GEMIN7: variants seen among roughly 807,000 people sequenced by gnomAD.
GEMIN7 encodes the protein gem-associated protein 7.
In GEMIN7, 7 loss-of-function variants were observed where a neutral mutation model predicts 7.8. That is an observed-to-expected ratio of 0.90 (90% CI 0.51 to 1.69). The LOEUF is 1.69. GEMIN7 is among the 40% of genes most tolerant of loss of function. GEMIN7 has a pLI of 0.00. For missense variants in GEMIN7, 159 were observed against 176.2 expected, an observed-to-expected ratio of 0.90 and a Z score of 0.55; for synonymous variants, 68 against 72.4, an observed-to-expected ratio of 0.94 and a Z score of 0.31.
rs1344893723 is a variant in GEMIN7 at position 45,090,100 on chromosome 19, T to C, written c.-8-7T>C. On this transcript the variant is annotated splice_region_variant and splice_polypyrimidine_tract_variant and intron_variant, in intron 2 of 2. Coordinates refer to ENST00000270257, the MANE Select transcript of GEMIN7 (RefSeq NM_024707.3). ...ATGACTTCCTGCTCTTTTTCTTCAC[T>C]CAACAGCCAAGACAATGCAAACTCC... 1 of 1,593,532 alleles carries C rather than the reference T, an allele frequency of 6.3e-7. No homozygotes were observed. Among genetic ancestry groups the C allele is most frequent in the Admixed American group, 1.7e-5 (1 of 58,120 alleles).
chr19:45,087,291 C>G (rs1363505020), intron 2 of GEMIN7, among the ~76,000 whole-genome samples: 2 of 152,170 alleles, frequency 1.3e-5, no homozygotes, highest in Admixed American at 1.3e-4. Flanking sequence ...ATTACAGGCA[C>G]GCACCACCAC....
At chr19:45,089,970 T>G in intron 2 of GEMIN7, 137 bp from the exon 3 acceptor site, 1 of 870,398 alleles carries the variant, frequency 1.1e-6, no homozygotes, top group Non-Finnish European at 1.8e-6. Context: ...ATGGCACAGA[T>G]TTTAGGAGGG....
At chr19:45,086,028 C>T (rs1321489834) in intron 2 of GEMIN7, among the ~76,000 whole-genome samples, 6 of 151,580 alleles carry the variant, frequency 4.0e-5, no homozygotes, top group East Asian at 2.0e-4. Context: ...CCACCACGCC[C>T]GGCTAATTTT....
At chr19:45,084,001 A>C (rs1014699173) in intron 2 of GEMIN7, among the ~76,000 whole-genome samples, 16 of 151,942 alleles carry the variant, frequency 1.1e-4, no homozygotes, top group Non-Finnish European at 2.4e-4. Context: ...ACCTGAGGTA[A>C]GGAGTTCAAG....
chr19:45,081,524 G>GAA (rs11292380), intron 2 of GEMIN7, among the ~76,000 whole-genome samples: 1 of 144,496 alleles, frequency 6.9e-6, no homozygotes, highest in Non-Finnish European at 1.5e-5. Context: ...TCCCTGTCAG[G>GAA]AAAAAAAAAA....
At position 45,090,914 on chromosome 19, in the gene GEMIN7, G is replaced by A. The variant is rs576379005; in HGVS notation, c.*404G>A. The A allele has an allele frequency of 5.4e-5, 10 of 185,262 alleles. No homozygotes were observed. The East Asian group carries it at 1.6e-3, about 30-fold the overall frequency. 11.5% of individuals were successfully genotyped at this position (185,262 alleles called of 1,614,324 possible). On this transcript the variant is annotated 3_prime_UTR_variant, in exon 3 of 3. Transcript: ENST00000270257. ...CCTGCTAAAGAACCAGTTACCCCAGGAAAATTCGACTCCTGTTTTTCTTTA... is the reference window on the plus strand; with the variant it reads ...CCTGCTAAAGAACCAGTTACCCCAGAAAAATTCGACTCCTGTTTTTCTTTA...
At chr19:45,088,127 G>A (rs903872389) in intron 2 of GEMIN7, among the ~76,000 whole-genome samples, 21 of 151,546 alleles carry the variant, frequency 1.4e-4, no homozygotes, top group Non-Finnish European at 2.5e-4. Flanking sequence ...TGTATTTTTC[G>A]TAGAGACGGG....
chr19:45,090,614 T>C lies in GEMIN7; in HGVS notation c.*104T>C. ...GGGCCCCATGGAGTTATGAGCTCCC[T>C]TGGAATTTTGAGCCAAGCTTTAAGC... On this transcript the variant is annotated 3_prime_UTR_variant, in exon 3 of 3. Coordinates refer to ENST00000270257, the MANE Select transcript of GEMIN7 (RefSeq NM_024707.3). The C allele has an allele frequency of 8.4e-7, 1 of 1,189,072 alleles. No homozygotes were observed. Among genetic ancestry groups the C allele is most frequent in the South Asian group, 1.5e-5 (1 of 67,320 alleles). The allele number at this position is 1,189,072 out of a possible 1,614,324, so 73.7% of individuals were successfully genotyped here. A position where few individuals can be genotyped will look rare whatever the true frequency, so the allele number is the denominator to read the frequency against.
chr19:45,078,016 C>T (rs950833702), upstream of GEMIN7, among the ~76,000 whole-genome samples: 1 of 151,884 alleles, frequency 6.6e-6, no homozygotes, highest in Non-Finnish European at 1.5e-5. Context: ...AGGTGTGAGA[C>T]ACTGCACTCA....
chr19:45,076,383 G>A, upstream of GEMIN7: 1 of 1,291,030 alleles, frequency 7.7e-7, no homozygotes, highest in South Asian at 3.1e-5. The surrounding 1 kb of genome is among the most constrained non-coding windows in gnomAD (Gnocchi z 4.9). Flanking sequence ...TGAGTCGCGG[G>A]CCGGGCGAGC....
In GEMIN7 at chr19:45,090,096, T is replaced by A; in HGVS notation, c.-8-11T>A. On this transcript the variant is annotated splice_polypyrimidine_tract_variant and intron_variant, in intron 2 of 2. Transcript: ENST00000270257. ...TGTAATGACTTCCTGCTCTTTTTCT[T>A]CACTCAACAGCCAAGACAATGCAAA... 1.3e-6 allele frequency: 2 copies of A among 1,591,212 alleles called. No homozygotes were observed. Among genetic ancestry groups the A allele is most frequent in the Non-Finnish European group, 1.7e-6 (2 of 1,164,826 alleles).
At chr19:45,081,353 G>A (rs1029429946) in intron 2 of GEMIN7, among the ~76,000 whole-genome samples, 4 of 151,910 alleles carry the variant, frequency 2.6e-5, no homozygotes, top group African/African-American at 9.7e-5. Context: ...TTACTTGGGA[G>A]GCTGAGGCAG....
At chr19:45,079,243 C>T (rs1356880109), upstream of GEMIN7, 1 of 152,304 alleles carries the variant, frequency 6.6e-6, no homozygotes, top group Non-Finnish European at 1.5e-5. Flanking sequence ...AGCGGGGGCG[C>T]CGGCGGAAGT....
upstream of GEMIN7, chr19:45,075,737 C>T: frequency 6.2e-7 from 1 of 1,614,118 alleles, no homozygotes; most frequent in Non-Finnish European, 8.5e-7. Flanking sequence ...CGGCTGGGGC[C>T]TCTGAAGAGC....
chr19:45,084,283 G>A (rs1967605071), intron 2 of GEMIN7, among the ~76,000 whole-genome samples: 1 of 149,924 alleles, frequency 6.7e-6, no homozygotes, highest in Non-Finnish European at 1.5e-5. Context: ...TGTAATCCCA[G>A]CACTTTGGGA....
At chr19:45,089,887 G>A (rs1967832104) in intron 2 of GEMIN7, among the ~76,000 whole-genome samples, 1 of 152,140 alleles carries the variant, frequency 6.6e-6, no homozygotes, top group African/African-American at 2.4e-5. Flanking sequence ...GCAGACAAAG[G>A]TCCTTGCCTT....
chr19:45,078,025 C>G (rs921732354), upstream of GEMIN7, among the ~76,000 whole-genome samples: 1 of 151,804 alleles, frequency 6.6e-6, no homozygotes, highest in Non-Finnish European at 1.5e-5. Context: ...ACACTGCACT[C>G]AGCCTCAGAC....
upstream of GEMIN7, chr19:45,076,212 C>T: frequency 4.0e-6 from 6 of 1,505,992 alleles, no homozygotes; most frequent in East Asian, 2.5e-5. The surrounding 1 kb of genome is among the most constrained non-coding windows in gnomAD (Gnocchi z 4.9). Flanking sequence ...AGGACACCTC[C>T]TTCGGGGAGA....
chr19:45,087,380 G>T (rs1302125784), intron 2 of GEMIN7, among the ~76,000 whole-genome samples: 2 of 152,136 alleles, frequency 1.3e-5, no homozygotes, highest in East Asian at 3.9e-4. Flanking sequence ...CTGACCTCTA[G>T]TGATCCTCCA....
Sources: allele counts gnomAD v4.1 joint callset (sites outside exome capture counted in the v4.1 genomes callset), GRCh38; gene constraint gnomAD v4.1.1; non-coding constraint Gnocchi (gnomAD v3.1); transcripts MANE v1.5; gene names NCBI Gene and HGNC (gene_info 2026-07-23, HGNC 2026-07-21).